RSF1: variants seen among roughly 807,000 people sequenced by gnomAD.
RSF1 encodes remodeling and spacing factor 1, also known as HBV pX-associated protein 8.
Under a neutral mutation model 145.2 loss-of-function variants are expected in RSF1, and 13 were observed. The observed-to-expected ratio is 0.09, with a 90% CI of 0.06 to 0.14. The LOEUF (loss-of-function observed/expected upper bound fraction) is 0.14, where lower values mean the gene tolerates loss of function less well. Among genes scored for constraint, RSF1 ranks in the 10% least tolerant of loss-of-function variants. The probability of loss-of-function intolerance (pLI) is 1.00; values close to 1 mark genes in which losing one functional copy is unlikely to be tolerated. For missense variants in RSF1, 1,517 were observed against 1,718.2 expected, an observed-to-expected ratio of 0.88 and a Z score of 2.07; for synonymous variants, 577 against 592.6, an observed-to-expected ratio of 0.97 and a Z score of 0.38.
chr11:77,707,202 T>G (rs1960571723), intron 5 of RSF1, among the ~76,000 whole-genome samples: 1 of 152,230 alleles, frequency 6.6e-6, no homozygotes, highest in Non-Finnish European at 1.5e-5. Flanking sequence ...TCATGGATTA[T>G]TCACCTGCAG....
rs576680042 is a variant in RSF1, at chr11:77,743,574, C to T, written c.373-2638G>A. 9.2e-5 allele frequency among the ~76,000 whole-genome samples: 14 copies of T among 152,166 alleles called. No homozygotes were observed. The South Asian group carries it at 1.7e-3, about 18-fold the overall frequency. On this transcript the variant is annotated intron_variant, in intron 3 of 15. Transcript: ENST00000308488. The stretch of plus-strand genomic sequence containing the variant: ...ATTTTTGTATATTGATTTTATATCT[C>T]GCAATTTTACTGAATTCATTTATTA...
At chr11:77,841,859 C>T in the RSF1 span, among the ~76,000 whole-genome samples, 1 of 152,166 alleles carries the variant, frequency 6.6e-6, no homozygotes, top group Non-Finnish European at 1.5e-5. Flanking sequence ...TGTTTGCTTG[C>T]CACTGAGATC....
At chr11:77,724,619 C>T (rs948042957) in intron 5 of RSF1, among the ~76,000 whole-genome samples, 2 of 152,144 alleles carry the variant, frequency 1.3e-5, no homozygotes, top group African/African-American at 2.4e-5. Flanking sequence ...GAAACAGTTT[C>T]GTGGAAGACA....
At position 77,708,215 on chromosome 11, in the gene RSF1, T is replaced by C. The variant is rs201520248; in HGVS notation, c.734-5720A>G. On this transcript the variant is annotated intron_variant, in intron 5 of 15. Transcript: ENST00000308488. ...TGGGCAGATCATTTGAGCCCAGGAGTTTGAGACCAGCCTGGGCAACATAAT... is the reference window on the plus strand; with the variant it reads ...TGGGCAGATCATTTGAGCCCAGGAGCTTGAGACCAGCCTGGGCAACATAAT... Among the ~76,000 whole-genome samples the C allele has an allele frequency of 5.7e-4, 86 of 151,650 alleles. 2 individuals carry two copies. Among genetic ancestry groups the C allele is most frequent in the East Asian group, 5.1e-3 (26 of 5,138 alleles).
chr11:77,839,847 G>A, the RSF1 span, among the ~76,000 whole-genome samples: 1 of 152,132 alleles, frequency 6.6e-6, no homozygotes, highest in Admixed American at 6.5e-5. Context: ...GAGAGCATCA[G>A]GATAAATAGC....
chr11:77,865,569 A>G, the RSF1 span, among the ~76,000 whole-genome samples: 2 of 152,224 alleles, frequency 1.3e-5, no homozygotes, highest in Admixed American at 1.3e-4. Context: ...ACCACATTTA[A>G]CTGCAAGAAG....
chr11:77,732,321 ACTTG>A (rs1304774594), intron 4 of RSF1, among the ~76,000 whole-genome samples: 3 of 152,116 alleles, frequency 2.0e-5, no homozygotes, highest in Non-Finnish European at 2.9e-5. Context: ...GAAGCAATTA[ACTTG>A]CTTTTGATTT....
In RSF1 at chr11:77,669,103, C is replaced by T. The variant is rs547369983; in HGVS notation, c.3752-1612G>A. Among the ~76,000 whole-genome samples, 69 of 152,272 alleles carry T rather than the reference C, an allele frequency of 4.5e-4. 2 individuals are homozygous for T. The South Asian group carries it at 0.014, about 31-fold the overall frequency. Reference sequence around the variant, plus strand: ...ACTTAAGTTTTTGGCAATTGCTCCTCCAATTGCTCAGTCATCCTTGATTCT... The same window carrying T: ...ACTTAAGTTTTTGGCAATTGCTCCTTCAATTGCTCAGTCATCCTTGATTCT... On this transcript the variant is annotated intron_variant, in intron 15 of 15. Coordinates refer to ENST00000308488, the MANE Select transcript of RSF1 (RefSeq NM_016578.4).
Position 77,700,828 on chromosome 11 carries a change from CTCT to C in RSF1, c.2398_2400del (p.Arg800del), listed in dbSNP as rs1401666962. On this transcript the variant is annotated inframe_deletion, in exon 6 of 16. Coordinates refer to ENST00000308488, the MANE Select transcript of RSF1 (RefSeq NM_016578.4). ...TCTTCCACCTCATCTTCTCCTTCCC[CTCT>C]TTTTTTATCAGCTTTCTGATCTCTG... The C allele has an allele frequency of 6.2e-7, 1 of 1,613,180 alleles. No individual in the cohort carries two copies. Among genetic ancestry groups the C allele is most frequent in the Non-Finnish European group, 8.5e-7 (1 of 1,179,998 alleles).
At chr11:77,742,289 T>C (rs1947949680) in intron 3 of RSF1, among the ~76,000 whole-genome samples, 1 of 151,944 alleles carries the variant, frequency 6.6e-6, no homozygotes, top group Non-Finnish European at 1.5e-5. Context: ...CCTTTTCTTT[T>C]TTCTTTTTTA....
At position 77,758,860 on chromosome 11, in the gene RSF1, G is replaced by A. The variant is rs534747608; in HGVS notation, c.279+5738C>T. Among the ~76,000 whole-genome samples the A allele has an allele frequency of 3.5e-5, 4 of 115,864 alleles. No homozygotes were observed. In the South Asian group the frequency reaches 1.1e-3, roughly 31 times the overall value. 76.0% of individuals were successfully genotyped at this position (115,864 alleles called of 152,430 possible). A position where few individuals can be genotyped will look rare whatever the true frequency, so the allele number is the denominator to read the frequency against. On this transcript the variant is annotated intron_variant, in intron 2 of 15. Transcript: ENST00000308488. The stretch of plus-strand genomic sequence containing the variant: ...TTATCAGTTATATGATTTGCAATAC[G>A]TGCAATTTGCAATATAACTTCTTCC...
rs146125111 is a variant in RSF1 at position 77,793,239 on chromosome 11, A to C, written c.187+27289T>G. Among the ~76,000 whole-genome samples, 5 of 152,252 alleles carry C rather than the reference A, an allele frequency of 3.3e-5. No individual in the cohort carries two copies. The East Asian group carries it at 9.7e-4, about 29-fold the overall frequency. The stretch of plus-strand genomic sequence containing the variant: ...TCACGCCTGTAATCCCAGCACTTTA[A>C]GAGGCCAAGGTGAGAGGATCACTTT... On this transcript the variant is annotated intron_variant, in intron 1 of 15. Coordinates refer to ENST00000308488, the MANE Select transcript of RSF1 (RefSeq NM_016578.4).
At chr11:77,815,619 C>T (rs1948774021) in intron 1 of RSF1, among the ~76,000 whole-genome samples, 1 of 152,086 alleles carries the variant, frequency 6.6e-6, no homozygotes. Context: ...CGGACTATTG[C>T]TCCACTTGAT....
At chr11:77,755,436 G>A (rs1306271849) in intron 2 of RSF1, among the ~76,000 whole-genome samples, 2 of 152,308 alleles carry the variant, frequency 1.3e-5, no homozygotes, top group Non-Finnish European at 2.9e-5. Context: ...TTAAAATTGG[G>A]AGAAGGAAGT....
chr11:77,668,190 C>T (rs1210549592), intron 15 of RSF1, among the ~76,000 whole-genome samples: 16 of 152,060 alleles, frequency 1.1e-4, no homozygotes, highest in South Asian at 2.1e-4. Flanking sequence ...TTAGTAGAGA[C>T]GGGGTTTCAC....
intron 2 of RSF1, among the ~76,000 whole-genome samples, chr11:77,748,230 T>C (rs1449371737): frequency 1.4e-5 from 2 of 142,362 alleles, no homozygotes; most frequent in Admixed American, 7.0e-5. Context: ...TTTTTTTTTC[T>C]TTTTTTTTTT....
chr11:77,800,216 G>A lies in RSF1; in HGVS notation c.187+20312C>T, dbSNP rs1948613169. Among the ~76,000 whole-genome samples the A allele has an allele frequency of 4.6e-5, 7 of 152,232 alleles. No homozygotes were observed. The South Asian group carries it at 1.5e-3, about 32-fold the overall frequency. On this transcript the variant is annotated intron_variant, in intron 1 of 15. Coordinates refer to ENST00000308488, the MANE Select transcript of RSF1 (RefSeq NM_016578.4). ...TTAGGAAAAATTTGGCTGTGGTAGG[G>A]CGTAGTGGCTCATACCTGTAATCCC...
In RSF1 at chr11:77,702,376, C is replaced by T. The variant is rs1960447916; in HGVS notation, c.853G>A (p.Glu285Lys). Residue 285 changes from glutamate (E) to lysine (K), a missense_variant, in exon 6 of 16, where the codon GAA becomes AAA. By Grantham distance (56) the Glu-to-Lys change is moderately conservative. This residue lies in a region of RSF1 where 207 missense variants were observed against 191.4 expected (regional missense o/e 1.08). Transcript: ENST00000308488. ...TVKKEKEDEK[E>K]LVKLPVIVKL... ...ACTATGACTGGCAGTTTCACAAGTT[C>T]CTTTTCATCTTCTTTTTCTTTTTTC... 13 of 1,610,452 alleles carry T rather than the reference C, an allele frequency of 8.1e-6. No homozygotes were observed. Among genetic ancestry groups the T allele is most frequent in the Non-Finnish European group, 1.0e-5 (12 of 1,179,230 alleles).
At chr11:77,706,115 C>T (rs1200581764) in intron 5 of RSF1, among the ~76,000 whole-genome samples, 1 of 151,664 alleles carries the variant, frequency 6.6e-6, no homozygotes, top group African/African-American at 2.4e-5. Context: ...GTGGTGTGAG[C>T]CTGTAGTCCC....
Sources: allele counts gnomAD v4.1 joint callset (sites outside exome capture counted in the v4.1 genomes callset), GRCh38; gene constraint gnomAD v4.1.1; regional missense constraint gnomAD v4.1.1; transcripts MANE v1.5; gene names NCBI Gene and HGNC (gene_info 2026-07-23, HGNC 2026-07-21).